EEA1: variants seen among roughly 807,000 people sequenced by gnomAD.
EEA1 encodes early endosome antigen 1.
Under a neutral mutation model 209.2 loss-of-function variants are expected in EEA1, and 111 were observed. The ratio of observed to expected loss-of-function variants is 0.53; its 90% confidence interval spans 0.45 to 0.62. The LOEUF is 0.62. Ranked by LOEUF, EEA1 falls within the 20% of genes least tolerant of loss-of-function variation. The pLI is 0.00. For missense variants in EEA1, 1,343 were observed against 1,530.8 expected, an observed-to-expected ratio of 0.88 and a Z score of 2.05; for synonymous variants, 536 against 540.6, an observed-to-expected ratio of 0.99 and a Z score of 0.12.
intron 23 of EEA1, 128 bp downstream of exon 23, chr12:92,781,822 T>C (rs901281577): frequency 2.9e-5 from 21 of 731,750 alleles, no homozygotes; most frequent in East Asian, 8.6e-5. Context: ...TGTCAGAAAC[T>C]AGAGGTCCCT....
At position 92,778,042 on chromosome 12, in the gene EEA1, A is replaced by G. The variant is rs1229919477; in HGVS notation, c.3792T>C (p.Val1264=). 2.5e-6 allele frequency: 4 copies of G among 1,613,584 alleles called. No individual in the cohort carries two copies. In the South Asian group the frequency reaches 4.4e-5, roughly 18 times the overall value. Residue 1264 remains valine, a synonymous_variant, in exon 26 of 29, where the codon GTT becomes GTC. Transcript: ENST00000322349. ...CATCCGTTTGTTTCTCAAGCTCACT[A>G]ACTCTCCGTTGACTAGATTGCCACT... The part of the protein sequence containing the change: ...KKEWQSSQRR[V]SELEKQTDDL...
At chr12:92,786,485 T>C (rs900720969) in intron 22 of EEA1, among the ~76,000 whole-genome samples, 8 of 152,202 alleles carry the variant, frequency 5.3e-5, no homozygotes, top group African/African-American at 1.7e-4. Context: ...ATAGATATTC[T>C]ACTGGCACTA....
rs71069185 is a variant in EEA1 at position 92,869,752 on chromosome 12, C to CAAAAAAAAA, written c.118-4774_118-4766dup. Among the ~76,000 whole-genome samples the CAAAAAAAAA allele has an allele frequency of 6.0e-4, 16 of 26,790 alleles. 2 individuals carry two copies. Among genetic ancestry groups the CAAAAAAAAA allele is most frequent in the Non-Finnish European group, 7.0e-4 (10 of 14,190 alleles). 17.6% of individuals were successfully genotyped at this position (26,790 alleles called of 152,430 possible). ...TGGGTGACACAGTGAGATTCTGCCT[C>CAAAAAAAAA]AAAAAAAAAAAAAAAAAAAAAAAAA... On this transcript the variant is annotated intron_variant, in intron 2 of 28. Transcript: ENST00000322349.
At chr12:92,907,181 T>C (rs1043575723) in intron 1 of EEA1, among the ~76,000 whole-genome samples, 1 of 152,242 alleles carries the variant, frequency 6.6e-6, no homozygotes, top group South Asian at 2.1e-4. Context: ...ACATACTCTT[T>C]AGGTAAATTC....
chr12:92,826,293 A>G lies in EEA1; in HGVS notation c.1405-8T>C, dbSNP rs1236526283. ...TGTAACTTTTTCCTTCAACTTAAAA[A>G]AATGTAGATTGTCAATTGAGAACTT... On this transcript the variant is annotated splice_region_variant and splice_polypyrimidine_tract_variant and intron_variant, in intron 12 of 28. Transcript: ENST00000322349. The G allele has an allele frequency of 6.2e-7, 1 of 1,607,446 alleles. No homozygotes were observed. The highest frequency in any genetic ancestry group is 1.1e-5 in the South Asian group (1 of 90,834).
chr12:92,798,367 G>T (rs1302724162), intron 21 of EEA1, among the ~76,000 whole-genome samples: 1 of 147,712 alleles, frequency 6.8e-6, no homozygotes, highest in Non-Finnish European at 1.5e-5. Context: ...TTTTGAGACA[G>T]AGTACCTCTG....
intron 9 of EEA1, 136 bp downstream of exon 9, chr12:92,850,972 ATAT>A: frequency 2.5e-6 from 2 of 793,054 alleles, no homozygotes; most frequent in Non-Finnish European, 1.9e-6. Flanking sequence ...CTATAAACAA[ATAT>A]TATTCAGATC....
At chr12:92,842,883 T>TA (rs1478017878) in intron 9 of EEA1, among the ~76,000 whole-genome samples, 6 of 152,242 alleles carry the variant, frequency 3.9e-5, no homozygotes, top group Non-Finnish European at 8.8e-5. Flanking sequence ...TCTTAAACTC[T>TA]ATACTTCAAT....
chr12:92,850,689 CAAAAAA>C (rs11323932), intron 9 of EEA1, among the ~76,000 whole-genome samples: 10 of 46,910 alleles, frequency 2.1e-4, no homozygotes, highest in Non-Finnish European at 3.3e-4. Context: ...GACTTTGTCT[CAAAAAA>C]AAAAAAAAAA....
At chr12:92,896,068 G>C (rs189924872) in intron 1 of EEA1, among the ~76,000 whole-genome samples, 3 of 151,924 alleles carry the variant, frequency 2.0e-5, no homozygotes, top group Admixed American at 2.0e-4. Flanking sequence ...CCACCTCCCA[G>C]GTTCAAGCGA....
chr12:92,908,421 CTTAAAAATG>C (rs1328547924), intron 1 of EEA1, among the ~76,000 whole-genome samples: 24 of 152,214 alleles, frequency 1.6e-4, no homozygotes, highest in Admixed American at 1.4e-3. Context: ...GGATTATACA[CTTAAAAATG>C]GTAAAAATTG....
At chr12:92,841,000 G>A (rs1274097791) in intron 10 of EEA1, among the ~76,000 whole-genome samples, 2 of 152,192 alleles carry the variant, frequency 1.3e-5, no homozygotes, top group Non-Finnish European at 2.9e-5. Flanking sequence ...GACACAGTGA[G>A]AAGGCACCAT....
At position 92,881,845 on chromosome 12, in the gene EEA1, G is replaced by C. The variant is rs1879161749; in HGVS notation, c.117+9784C>G. ...ATTATGTATTACATATATTATATAT[G>C]TTATTACAGCTGACCCTCGAACACC... On this transcript the variant is annotated intron_variant, in intron 2 of 28. Coordinates refer to ENST00000322349, the MANE Select transcript of EEA1 (RefSeq NM_003566.4). 2.6e-5 allele frequency among the ~76,000 whole-genome samples: 4 copies of C among 152,140 alleles called. No individual in the cohort carries two copies. The South Asian group carries it at 8.3e-4, about 31-fold the overall frequency.
In EEA1 at chr12:92,852,198, T is replaced by C. The variant is rs777831779; in HGVS notation, c.619A>G (p.Ile207Val). The change falls in exon 8 of 29, where the codon ATT becomes GTT. Residue 207 changes from isoleucine (I) to valine (V), a missense_variant. Transcript: ENST00000322349. ...ACCAGTTCCGTCTTCAGATCTTGAA[T>C]TACAGTTGCCTCTTTGTTTAATTCT... Reference protein sequence around the residue: ...TEELNKEATVIQDLKTELLQR... With the variant: ...TEELNKEATVVQDLKTELLQR... The C allele has an allele frequency of 6.3e-6, 10 of 1,587,558 alleles. No individual in the cohort carries two copies. The highest frequency in any genetic ancestry group is 8.6e-6 in the Non-Finnish European group (10 of 1,168,910).
At position 92,775,782 on chromosome 12, in the gene EEA1, C is replaced by T. The variant is rs549608590; in HGVS notation, c.*229G>A. On this transcript the variant is annotated 3_prime_UTR_variant, in exon 29 of 29. Transcript: ENST00000322349. Reference sequence around the variant, plus strand: ...GCTAATTCTAAACTTGGCATGAAAGCTATTCCAGGGGCTAAATGGGAAAAA... The same window carrying T: ...GCTAATTCTAAACTTGGCATGAAAGTTATTCCAGGGGCTAAATGGGAAAAA... 1.1e-5 allele frequency: 4 copies of T among 363,122 alleles called. No individual in the cohort carries two copies. The highest frequency in any genetic ancestry group is 6.3e-5 in the African/African-American group (3 of 47,812). The allele number at this position is 363,122 out of a possible 1,614,324, so 22.5% of individuals were successfully genotyped here. A position where few individuals can be genotyped will look rare whatever the true frequency, so the allele number is the denominator to read the frequency against.
rs1390070998 is a variant in EEA1, at chr12:92,778,086, A to G, written c.3748T>C (p.Leu1250=). The G allele has an allele frequency of 2.4e-5, 38 of 1,613,358 alleles. No homozygotes were observed. The South Asian group carries it at 3.7e-4, about 16-fold the overall frequency. The change falls in exon 26 of 29, where the codon TTA becomes CTA. Residue 1250 remains leucine (L), a synonymous_variant. Transcript: ENST00000322349. ...TGCCACTCCTTCTTCACAGTGCCTAAGTTTTCATTTAATGCTGTAATCTGC... is the reference window on the plus strand; with the variant it reads ...TGCCACTCCTTCTTCACAGTGCCTAGGTTTTCATTTAATGCTGTAATCTGC... The part of the protein sequence containing the change: ...TMQITALNEN[L]GTVKKEWQSS...
chr12:92,925,141 A>G (rs1881160768), intron 1 of EEA1, among the ~76,000 whole-genome samples: 1 of 145,426 alleles, frequency 6.9e-6, no homozygotes, highest in Non-Finnish European at 1.5e-5. Context: ...TTTACCCATC[A>G]TTGTCTGCAC....
intron 9 of EEA1, among the ~76,000 whole-genome samples, chr12:92,843,917 T>C (rs1227900801): frequency 6.6e-6 from 1 of 152,112 alleles, no homozygotes; most frequent in Non-Finnish European, 1.5e-5. Flanking sequence ...TAAGAGATCA[T>C]TGGCTGATCT....
chr12:92,781,787 G>C (rs568899520), intron 23 of EEA1, among the ~76,000 whole-genome samples, 163 bp downstream of exon 23: 1 of 152,198 alleles, frequency 6.6e-6, no homozygotes, highest in East Asian at 1.9e-4. Context: ...GTACTTCCTA[G>C]CATTAAAATC....
Sources: gnomAD v4.1 joint callset for allele counts (sites outside exome capture counted in the v4.1 genomes callset) on GRCh38, gnomAD v4.1.1 for gene constraint, MANE v1.5 for transcripts, NCBI Gene and HGNC (gene_info 2026-07-23, HGNC 2026-07-21) for gene names.